NRXN1: variants seen among roughly 807,000 people sequenced by gnomAD.
NRXN1 encodes neurexin-1.
NRXN1 carries 39 observed loss-of-function variants against 150.9 expected under a neutral mutation model. That is an observed-to-expected ratio of 0.26 (90% CI 0.20 to 0.34). NRXN1 has a LOEUF of 0.34. Ranked by LOEUF, NRXN1 falls within the 10% of genes least tolerant of loss-of-function variation. The pLI, the probability that NRXN1 is intolerant of heterozygous loss-of-function variation, is 1.00. For synonymous variants in NRXN1, 924 were observed against 757.0 expected (o/e 1.22, Z -3.62); for missense variants, 1,815 against 1,949.9 (o/e 0.93, Z 1.30).
intron 2 of NRXN1, among the ~76,000 whole-genome samples, chr2:50,998,195 C>CA (rs1558559739): frequency 7.1e-6 from 1 of 141,384 alleles, no homozygotes; most frequent in Non-Finnish European, 1.5e-5. Context: ...CTCAGCTATA[C>CA]AAACCCAAAA....
intron 21 of NRXN1, among the ~76,000 whole-genome samples, chr2:50,022,252 G>A (rs1349738653): frequency 1.3e-5 from 2 of 152,216 alleles, no homozygotes; most frequent in African/African-American, 4.8e-5. Flanking sequence ...AAAGTGCTGG[G>A]ATTACAGGCA....
intron 14 of NRXN1, among the ~76,000 whole-genome samples, chr2:50,496,454 G>T (rs2091626195): frequency 6.6e-6 from 1 of 152,074 alleles, no homozygotes; most frequent in African/African-American, 2.4e-5. Flanking sequence ...TCTTGCACTT[G>T]CTTTTCTCCT....
chr2:50,932,077 G>A (rs1273171648), intron 2 of NRXN1, among the ~76,000 whole-genome samples: 1 of 151,868 alleles, frequency 6.6e-6, no homozygotes, highest in Non-Finnish European at 1.5e-5. Flanking sequence ...TTGGCCAGGT[G>A]CCTGGCCAAA....
At chr2:50,455,834 G>A (rs945902881) in intron 17 of NRXN1, among the ~76,000 whole-genome samples, 3 of 152,098 alleles carry the variant, frequency 2.0e-5, no homozygotes, top group Non-Finnish European at 4.4e-5. Context: ...AATCATGGCT[G>A]GGATATTTAG....
chr2:50,420,985 T>C (rs2083946458), intron 17 of NRXN1, among the ~76,000 whole-genome samples: 1 of 147,000 alleles, frequency 6.8e-6, no homozygotes, highest in Non-Finnish European at 1.5e-5. Context: ...TGTGTGTGTG[T>C]GTGTGTGTGT....
At chr2:50,716,535 A>T (rs1211950747) in intron 5 of NRXN1, among the ~76,000 whole-genome samples, 7 of 152,188 alleles carry the variant, frequency 4.6e-5, no homozygotes, top group Non-Finnish European at 1.0e-4. Context: ...AATAAAAACA[A>T]ATAAAACAAA....
chr2:50,850,141 T>C (rs1444318669), intron 5 of NRXN1, among the ~76,000 whole-genome samples: 1 of 150,418 alleles, frequency 6.6e-6, no homozygotes, highest in East Asian at 2.0e-4. Context: ...GGCAGTAGGA[T>C]CACTTGAGCC....
chr2:50,426,930 C>A (rs2084543065), intron 17 of NRXN1, among the ~76,000 whole-genome samples: 1 of 152,098 alleles, frequency 6.6e-6, no homozygotes, highest in Admixed American at 6.5e-5. Context: ...ACACTGACAG[C>A]ACTTAATGTA....
intron 17 of NRXN1, among the ~76,000 whole-genome samples, chr2:50,328,653 T>A (rs943594972): frequency 2.6e-5 from 4 of 152,110 alleles, no homozygotes; most frequent in Non-Finnish European, 5.9e-5. Flanking sequence ...GGAAAATCGT[T>A]TGAAACCAGG....
chr2:50,953,852 C>T (rs1337662820), intron 2 of NRXN1, among the ~76,000 whole-genome samples: 3 of 152,208 alleles, frequency 2.0e-5, no homozygotes, highest in African/African-American at 4.8e-5. Context: ...TGAGCCACCA[C>T]GCCCATTCTC....
At chr2:50,886,199 G>A (rs1336599384) in intron 5 of NRXN1, among the ~76,000 whole-genome samples, 1 of 151,132 alleles carries the variant, frequency 6.6e-6, no homozygotes, top group Non-Finnish European at 1.5e-5. Context: ...TTTCTAACTG[G>A]CTAGATAACA....
chr2:50,703,432 T>G (rs931942275), intron 5 of NRXN1, among the ~76,000 whole-genome samples: 1 of 152,112 alleles, frequency 6.6e-6, no homozygotes, highest in African/African-American at 2.4e-5. Flanking sequence ...CTTAAAAGTT[T>G]TATTTCAGAA....
chr2:50,030,367 CAAGA>C (rs143387386), intron 21 of NRXN1, among the ~76,000 whole-genome samples: 2,787 of 152,164 alleles, frequency 0.018, 34 homozygotes, highest in Non-Finnish European at 0.03. Flanking sequence ...ATCTAATTAT[CAAGA>C]AAGATAGTGC....
chr2:50,217,551 G>T (rs1261986525), intron 18 of NRXN1, among the ~76,000 whole-genome samples: 1 of 151,956 alleles, frequency 6.6e-6, no homozygotes, highest in African/African-American at 2.4e-5. Context: ...ATAAGTAGGG[G>T]TTCAACTTTC....
rs115874849 is a variant in NRXN1 at position 50,368,933 on chromosome 2, T to C, written c.3364+96509A>G. Among the ~76,000 whole-genome samples the C allele has an allele frequency of 5.6e-3, 857 of 152,070 alleles. 8 individuals carry two copies. Among genetic ancestry groups the C allele is most frequent in the African/African-American group, 0.02 (812 of 41,532 alleles). On this transcript the variant is annotated intron_variant, in intron 17 of 22. Coordinates refer to ENST00000401669, the MANE Select transcript of NRXN1 (RefSeq NM_001330078.2). Reference sequence around the variant, plus strand: ...CTGAACATTTCTTTAGATAAAGAAATTATAGCATTTGTAATAAATAACAAG... The same window carrying C: ...CTGAACATTTCTTTAGATAAAGAAACTATAGCATTTGTAATAAATAACAAG...
chr2:50,869,962 A>G (rs998448179), intron 5 of NRXN1, among the ~76,000 whole-genome samples: 1 of 151,910 alleles, frequency 6.6e-6, no homozygotes, highest in Admixed American at 6.6e-5. Context: ...GGGGAATGCA[A>G]AAGTTAATAA....
At chr2:50,592,533 G>C (rs1450326572) in intron 8 of NRXN1, among the ~76,000 whole-genome samples, 1 of 152,210 alleles carries the variant, frequency 6.6e-6, no homozygotes, top group East Asian at 1.9e-4. Flanking sequence ...GCTTGTGGCA[G>C]GCAATGAGTC....
intron 5 of NRXN1, among the ~76,000 whole-genome samples, chr2:50,786,629 G>C (rs1385988228): frequency 2.0e-5 from 3 of 152,118 alleles, no homozygotes; most frequent in African/African-American, 7.2e-5. Context: ...CCTGCTTAAG[G>C]ATAGTTTCAA....
chr2:50,701,477 C>G (rs1228602232), intron 5 of NRXN1, among the ~76,000 whole-genome samples: 1 of 152,156 alleles, frequency 6.6e-6, no homozygotes, highest in Non-Finnish European at 1.5e-5. Context: ...GAAAATTAAA[C>G]CTTTTGCCTA....
Sources: gnomAD v4.1 joint callset for allele counts (sites outside exome capture counted in the v4.1 genomes callset) on GRCh38, gnomAD v4.1.1 for gene constraint, MANE v1.5 for transcripts, NCBI Gene and HGNC (gene_info 2026-07-23, HGNC 2026-07-21) for gene names.